Variants in DMRT1 observed in about 807,000 individuals in gnomAD.
DMRT1 encodes the protein doublesex and mab-3 related transcription factor 1.
DMRT1 carries 7 observed loss-of-function variants against 32.3 expected under a neutral mutation model. That is an observed-to-expected ratio of 0.22 (90% CI 0.12 to 0.41). The LOEUF (loss-of-function observed/expected upper bound fraction) is 0.41. Ranked by LOEUF, DMRT1 falls within the 10% of genes least tolerant of loss-of-function variation. The pLI, the probability that DMRT1 is intolerant of heterozygous loss-of-function variation, is 1.00. For missense variants in DMRT1, 625 were observed against 500.5 expected (o/e 1.25, Z -2.37); for synonymous variants, 278 against 206.1 (o/e 1.35, Z -2.99).
At chr9:919,275 G>A (rs1248550460) in intron 4 of DMRT1, among the ~76,000 whole-genome samples, 1 of 152,086 alleles carries the variant, frequency 6.6e-6, no homozygotes, top group African/African-American at 2.4e-5. Flanking sequence ...GTATAAATTT[G>A]CCCATTAAAT....
chr9:950,170 C>G (rs1819382166), intron 4 of DMRT1, among the ~76,000 whole-genome samples: 1 of 152,056 alleles, frequency 6.6e-6, no homozygotes, highest in South Asian at 2.1e-4. Flanking sequence ...TTGGATATCT[C>G]CTTACTCAGC....
chr9:907,552 T>C (rs1044162100), intron 3 of DMRT1, among the ~76,000 whole-genome samples: 2 of 152,226 alleles, frequency 1.3e-5, no homozygotes, highest in Non-Finnish European at 2.9e-5. Flanking sequence ...AATTTGGCTT[T>C]TTCTTACTGT....
intron 3 of DMRT1, among the ~76,000 whole-genome samples, chr9:906,948 A>G (rs1251118849): frequency 6.6e-6 from 1 of 152,186 alleles, no homozygotes; most frequent in Admixed American, 6.5e-5. Flanking sequence ...TCCTATATCA[A>G]TGATTATTAA....
intron 2 of DMRT1, among the ~76,000 whole-genome samples, chr9:854,805 A>G (rs1262439501): frequency 2.5e-5 from 3 of 120,714 alleles, no homozygotes; most frequent in African/African-American, 6.3e-5. Context: ...TCACTCTGTC[A>G]CCCAGGCTGG....
intron 2 of DMRT1, among the ~76,000 whole-genome samples, chr9:893,487 C>T (rs1817230729): frequency 6.6e-6 from 1 of 152,222 alleles, no homozygotes; most frequent in Non-Finnish European, 1.5e-5. Context: ...AGGTGTTCAC[C>T]TAAATTCACC....
At chr9:842,284 C>G (rs1432769098) in intron 1 of DMRT1, 92 bp downstream of exon 1, 1 of 1,453,044 alleles carries the variant, frequency 6.9e-7, no homozygotes, top group South Asian at 1.3e-5. Flanking sequence ...GCCCAGGCTG[C>G]AGTGTAGTGG....
At chr9:937,347 T>C (rs1386090511) in intron 4 of DMRT1, among the ~76,000 whole-genome samples, 1 of 152,262 alleles carries the variant, frequency 6.6e-6, no homozygotes, top group Non-Finnish European at 1.5e-5. Flanking sequence ...TTTCAGTTCT[T>C]CTGGATATAT....
At chr9:857,434 A>T (rs1815445405) in intron 2 of DMRT1, among the ~76,000 whole-genome samples, 1 of 152,178 alleles carries the variant, frequency 6.6e-6, no homozygotes, top group Admixed American at 6.5e-5. Context: ...GAAGTAAAGC[A>T]ATTCATAAAG....
intron 4 of DMRT1, among the ~76,000 whole-genome samples, chr9:928,622 A>G (rs1467833719): frequency 6.6e-6 from 1 of 152,186 alleles, no homozygotes; most frequent in Admixed American, 6.5e-5. Context: ...TGACTCTTGG[A>G]GAACCAGAGA....
intron 3 of DMRT1, among the ~76,000 whole-genome samples, chr9:905,406 G>C (rs565051615): frequency 6.6e-6 from 1 of 151,910 alleles, no homozygotes; most frequent in African/African-American, 2.4e-5. Context: ...TTCTATGTCT[G>C]GAGTATTTGT....
At chr9:848,171 T>C (rs1475018249) in intron 2 of DMRT1, among the ~76,000 whole-genome samples, 1 of 152,224 alleles carries the variant, frequency 6.6e-6, no homozygotes, top group Non-Finnish European at 1.5e-5. Context: ...CATGAATTAC[T>C]CCATTTGCTG....
chr9:866,885 A>C (rs1369960861), intron 2 of DMRT1, among the ~76,000 whole-genome samples: 2 of 152,184 alleles, frequency 1.3e-5, no homozygotes, highest in African/African-American at 4.8e-5. Context: ...AGTAAGAGGC[A>C]CATCAAAGCC....
Position 878,205 on chromosome 9 carries a change from C to CA in DMRT1, c.539-15707_539-15706insA, listed in dbSNP as rs1024541710. On this transcript the variant is annotated intron_variant, in intron 2 of 4. Coordinates refer to ENST00000382276, the MANE Select transcript of DMRT1 (RefSeq NM_021951.3). ...GCCCTGGAACTGCAGCTGCTGCCCCCCCCCCACCCAATAAAAATGTCTGCC... is the reference window on the plus strand; with the variant it reads ...GCCCTGGAACTGCAGCTGCTGCCCCCACCCCCACCCAATAAAAATGTCTGCC... 3.5e-5 allele frequency among the ~76,000 whole-genome samples: 4 copies of CA among 114,220 alleles called. No individual in the cohort carries two copies. In the Admixed American group the frequency reaches 3.8e-4, roughly 11 times the overall value. The allele number at this position is 114,220 out of a possible 152,430, so 74.9% of individuals were successfully genotyped here.
At chr9:943,287 T>G (rs1819136463) in intron 4 of DMRT1, among the ~76,000 whole-genome samples, 1 of 152,216 alleles carries the variant, frequency 6.6e-6, no homozygotes, top group Admixed American at 6.5e-5. Context: ...TATCTCTCAA[T>G]GAGGTGTTGA....
chr9:962,673 T>A (rs905541267), intron 4 of DMRT1, among the ~76,000 whole-genome samples: 2 of 152,086 alleles, frequency 1.3e-5, no homozygotes, highest in Non-Finnish European at 2.9e-5. Flanking sequence ...TAATTTTGCT[T>A]GAGTCCCTGG....
chr9:890,850 G>A (rs1817118290), intron 2 of DMRT1, among the ~76,000 whole-genome samples: 1 of 152,056 alleles, frequency 6.6e-6, no homozygotes, highest in African/African-American at 2.4e-5. Flanking sequence ...CAGTAGCTGG[G>A]TCTACAGGTA....
intron 2 of DMRT1, among the ~76,000 whole-genome samples, chr9:856,458 C>G (rs1815405990): frequency 6.6e-6 from 1 of 152,138 alleles, no homozygotes; most frequent in South Asian, 2.1e-4. Flanking sequence ...GGTGTCTATT[C>G]TGGAAATTTT....
At chr9:878,866 G>T (rs1395248052) in intron 2 of DMRT1, among the ~76,000 whole-genome samples, 2 of 152,070 alleles carry the variant, frequency 1.3e-5, no homozygotes, top group African/African-American at 4.8e-5. Context: ...GCAAAGGCTG[G>T]GACATGCAAA....
chr9:948,517 C>T (rs1394354922), intron 4 of DMRT1, among the ~76,000 whole-genome samples: 1 of 152,092 alleles, frequency 6.6e-6, no homozygotes, highest in Non-Finnish European at 1.5e-5. Context: ...AGTATCCTCT[C>T]CACAGCCTGT....
Sources: allele counts gnomAD v4.1 joint callset (sites outside exome capture counted in the v4.1 genomes callset), GRCh38; gene constraint gnomAD v4.1.1; transcripts MANE v1.5; gene names NCBI Gene and HGNC (gene_info 2026-07-23, HGNC 2026-07-21).